The following SEZ6L variants were observed in gnomAD, a reference collection of about 807,000 sequenced individuals.
SEZ6L encodes the protein seizure 6-like protein.
In SEZ6L, 37 loss-of-function variants were observed where a neutral mutation model predicts 106.2. The ratio of observed to expected loss-of-function variants is 0.35; its 90% confidence interval spans 0.27 to 0.46. The LOEUF (loss-of-function observed/expected upper bound fraction) is 0.46. Among genes scored for constraint, SEZ6L ranks in the 20% least tolerant of loss-of-function variants. SEZ6L has a pLI of 1.00. For missense variants in SEZ6L, 1,172 were observed against 1,332.8 expected (o/e 0.88, Z 1.88); for synonymous variants, 541 against 570.4 (o/e 0.95, Z 0.73).
intron 1 of SEZ6L, among the ~76,000 whole-genome samples, chr22:26,269,301 A>T (rs1219065768): frequency 1.3e-5 from 2 of 152,164 alleles, no homozygotes; most frequent in Non-Finnish European, 2.9e-5. Context: ...TTTAAAAATC[A>T]TCCCTGGAGA....
rs565523962 is a variant in SEZ6L at position 26,375,600 on chromosome 22, G to T, written c.2853G>T (p.Ser951=). ...LEVAEAAAET[S]LEGGNMALAI... is the part of the protein sequence containing the mutation. ...TAGCAGAAGCGGCAGCAGAGACGTC[G>T]CTGGAAGGGGGGAACATGGCCCTGG... Residue 951 remains serine, a synonymous_variant, in exon 15 of 17, where the codon TCG becomes TCT. Coordinates refer to ENST00000248933, the MANE Select transcript of SEZ6L (RefSeq NM_021115.5). The T allele has an allele frequency of 5.0e-6, 8 of 1,613,992 alleles. No individual in the cohort carries two copies. Among genetic ancestry groups the T allele is most frequent in the Non-Finnish European group, 6.8e-6 (8 of 1,180,016 alleles).
At chr22:26,346,025 G>GTTTTTT (rs5844689) in intron 10 of SEZ6L, among the ~76,000 whole-genome samples, 1 of 149,784 alleles carries the variant, frequency 6.7e-6, no homozygotes. Flanking sequence ...TGTTCAAATT[G>GTTTTTT]TTTTTTTTTT....
intron 12 of SEZ6L, 135 bp downstream of exon 12, chr22:26,351,378 A>T (rs1486494290): frequency 3.0e-6 from 2 of 671,514 alleles, no homozygotes; most frequent in African/African-American, 3.6e-5. Flanking sequence ...ACTATGACAA[A>T]ACAGTACCTA....
intron 7 of SEZ6L, 60 bp downstream of exon 7, chr22:26,310,896 G>A: frequency 6.5e-7 from 1 of 1,536,526 alleles, no homozygotes. Flanking sequence ...TGGGAGCAGG[G>A]AAAGCATGGG....
At chr22:26,302,777 G>A (rs553127490) in intron 5 of SEZ6L, among the ~76,000 whole-genome samples, 56 of 152,306 alleles carry the variant, frequency 3.7e-4, no homozygotes, top group African/African-American at 1.3e-3. Context: ...AAGATGGATG[G>A]GGAGCCACGG....
chr22:26,378,504 T>C (rs1043241626), intron 16 of SEZ6L, among the ~76,000 whole-genome samples: 4 of 152,204 alleles, frequency 2.6e-5, no homozygotes, highest in South Asian at 2.1e-4. Context: ...AATGTGCCCA[T>C]GAATATTTTG....
intron 9 of SEZ6L, among the ~76,000 whole-genome samples, chr22:26,333,291 G>C (rs17305517): frequency 0.034 from 5,205 of 152,354 alleles, 108 homozygotes; most frequent in Non-Finnish European, 0.05. Context: ...AGGGTGTCAG[G>C]TGGCATTGGA....
chr22:26,273,395 C>T (rs1346824991), intron 1 of SEZ6L, among the ~76,000 whole-genome samples: 1 of 152,278 alleles, frequency 6.6e-6, no homozygotes, highest in South Asian at 2.1e-4. Flanking sequence ...TCCTCCTATG[C>T]TTCCCCAAGC....
chr22:26,309,065 T>C (rs534884045), intron 6 of SEZ6L, among the ~76,000 whole-genome samples: 1 of 152,298 alleles, frequency 6.6e-6, no homozygotes, highest in Admixed American at 6.5e-5. Context: ...CATTTATACA[T>C]CTTAGTGACA....
chr22:26,296,552 A>G (rs2081305725), intron 3 of SEZ6L, among the ~76,000 whole-genome samples: 4 of 152,090 alleles, frequency 2.6e-5, no homozygotes, highest in African/African-American at 9.7e-5. Flanking sequence ...GCCTCCACTC[A>G]CCAGCTCCAG....
intron 12 of SEZ6L, among the ~76,000 whole-genome samples, chr22:26,356,753 T>C (rs754999816): frequency 4.6e-5 from 7 of 151,950 alleles, no homozygotes; most frequent in Non-Finnish European, 4.4e-5. Flanking sequence ...TCTTAAACGT[T>C]AGGATCAGAT....
intron 1 of SEZ6L, among the ~76,000 whole-genome samples, chr22:26,196,403 G>A (rs1377037583): frequency 1.3e-5 from 2 of 152,096 alleles, no homozygotes; most frequent in Non-Finnish European, 2.9e-5. Flanking sequence ...GTGCAAGAAC[G>A]CCCTAATACA....
At chr22:26,288,848 C>T (rs1156869710) in intron 1 of SEZ6L, among the ~76,000 whole-genome samples, 1 of 152,178 alleles carries the variant, frequency 6.6e-6, no homozygotes, top group Non-Finnish European at 1.5e-5. Flanking sequence ...CTCTCTCTCT[C>T]CTCTCTCTCA....
intron 1 of SEZ6L, among the ~76,000 whole-genome samples, chr22:26,187,710 C>T (rs957382124): frequency 2.6e-5 from 4 of 152,122 alleles, no homozygotes; most frequent in Admixed American, 6.6e-5. Context: ...CACCCCTCCC[C>T]GCCTCCCAAA....
At chr22:26,249,326 T>C (rs1220089805) in intron 1 of SEZ6L, among the ~76,000 whole-genome samples, 1 of 152,188 alleles carries the variant, frequency 6.6e-6, no homozygotes, top group Non-Finnish European at 1.5e-5. Context: ...CCTCTCCCCT[T>C]ATCCTTCCCA....
chr22:26,295,638 A>G (rs1202445374), intron 3 of SEZ6L, among the ~76,000 whole-genome samples: 3 of 152,246 alleles, frequency 2.0e-5, no homozygotes, highest in Admixed American at 2.0e-4. Flanking sequence ...CCTTTCCTCC[A>G]TGTCATGAAG....
intron 5 of SEZ6L, among the ~76,000 whole-genome samples, chr22:26,301,474 G>T (rs906690236): frequency 1.3e-5 from 2 of 152,174 alleles, no homozygotes; most frequent in Admixed American, 1.3e-4. Flanking sequence ...GAGTAAACAA[G>T]GATGCAAACA....
At chr22:26,201,382 C>CAAAAAAAAAAAAAAAAAAAAAAAAAAAAA (rs71192905) in intron 1 of SEZ6L, among the ~76,000 whole-genome samples, 3 of 75,270 alleles carry the variant, frequency 4.0e-5, no homozygotes, top group Admixed American at 1.6e-4. Flanking sequence ...TACAAAAATA[C>CAAAAAAAAAAAAAAAAAAAAAAAAAAAAA]AAAAAAAAAA....
intron 1 of SEZ6L, among the ~76,000 whole-genome samples, chr22:26,285,103 GCCA>G (rs780215094): frequency 1.3e-5 from 2 of 152,226 alleles, no homozygotes; most frequent in East Asian, 3.9e-4. Flanking sequence ...TGCCCCCAAG[GCCA>G]CCACCACCTC....
Sources: allele counts gnomAD v4.1 joint callset (sites outside exome capture counted in the v4.1 genomes callset), GRCh38; gene constraint gnomAD v4.1.1; transcripts MANE v1.5; gene names NCBI Gene and HGNC (gene_info 2026-07-23, HGNC 2026-07-21).